Variants in SEC14L6 observed in about 807,000 individuals in gnomAD.
The protein encoded by SEC14L6 is SEC14-like protein 6.
Under a neutral mutation model 54.1 loss-of-function variants are expected in SEC14L6, and 40 were observed. The ratio of observed to expected loss-of-function variants is 0.74; its 90% CI spans 0.57 to 0.96. The LOEUF (loss-of-function observed/expected upper bound fraction) is 0.96, where lower values mean the gene tolerates loss of function less well. Among genes scored for constraint, SEC14L6 ranks in the 40% least tolerant of loss-of-function variants. The pLI is 0.00. For synonymous variants in SEC14L6, 171 were observed against 198.4 expected (o/e 0.86, Z 1.16); for missense variants, 471 against 498.3 (o/e 0.95, Z 0.52).
At position 30,543,516 on chromosome 22, in the gene SEC14L6, C is replaced by T. The variant is rs945333704; in HGVS notation, c.54+3113G>A. ...GCACCTACAACTGGATGAGCTGGCT[C>T]CTGGTGAATGTATCTGCCCACAGGG... On this transcript the variant is annotated intron_variant, in intron 1 of 11. Transcript: ENST00000402034. The T allele has an allele frequency of 6.2e-5, 100 of 1,613,166 alleles. No homozygotes were observed. The East Asian group carries it at 1.6e-3, about 26-fold the overall frequency.
At chr22:30,545,184 C>T (rs999615656) in intron 1 of SEC14L6, among the ~76,000 whole-genome samples, 5 of 152,170 alleles carry the variant, frequency 3.3e-5, no homozygotes, top group African/African-American at 1.2e-4. Flanking sequence ...TCCTCCCAGG[C>T]TAGAGACGAA....
intron 6 of SEC14L6, among the ~76,000 whole-genome samples, chr22:30,531,019 C>CCTG (rs1362309280): frequency 6.6e-6 from 1 of 152,144 alleles, no homozygotes; most frequent in Non-Finnish European, 1.5e-5. Context: ...CCTGTTGTGA[C>CCTG]CTGCTGAACA....
Position 30,525,689 on chromosome 22 carries a change from T to G in SEC14L6, c.833A>C (p.Tyr278Ser). ...GCGGCCCACGGACCTCGTGTGCTCA[T>G]ACTGCAGCCTCACCTGCTTGCACAG... ...YYLCKQVRLQYEHTRSVGRGS... is the reference protein window; with the variant it reads ...YYLCKQVRLQSEHTRSVGRGS... Residue 278 changes from tyrosine (Y) to serine (S), a missense_variant, in exon 10 of 12, where the codon TAT (tyrosine) becomes TCT (serine). By Grantham distance (144) the Tyr-to-Ser change is moderately radical (BLOSUM62 -2). Coordinates refer to ENST00000402034, the MANE Select transcript of SEC14L6 (RefSeq NM_001193336.4). 1.9e-6 allele frequency: 3 copies of G among 1,613,646 alleles called. No individual in the cohort carries two copies. Among genetic ancestry groups the G allele is most frequent in the Non-Finnish European group, 2.5e-6 (3 of 1,179,918 alleles).
rs886308725 is a variant in SEC14L6, at chr22:30,524,166, A to G, written c.*831T>C. 1 of 152,076 alleles carries G rather than the reference A, an allele frequency of 6.6e-6. No individual in the cohort carries two copies. Among genetic ancestry groups the G allele is most frequent in the Non-Finnish European group, 1.5e-5 (1 of 68,022 alleles). 9.4% of individuals were successfully genotyped at this position (152,076 alleles called of 1,614,324 possible). A position where few individuals can be genotyped will look rare whatever the true frequency, so the allele number is the denominator to read the frequency against. On this transcript the variant is annotated 3_prime_UTR_variant, in exon 12 of 12. Coordinates refer to ENST00000402034, the MANE Select transcript of SEC14L6 (RefSeq NM_001193336.4). ...GCCTCACCAGTTCCTTCCTGCAGAAACCATCATAAAAGTAAAGTTGCTTTG... is the reference window on the plus strand; with the variant it reads ...GCCTCACCAGTTCCTTCCTGCAGAAGCCATCATAAAAGTAAAGTTGCTTTG...
At position 30,525,819 on chromosome 22, in the gene SEC14L6, C is replaced by G; in HGVS notation, c.771+7G>C. ...CCCTCCTTCCCCATCCTCTGGGCAC[C>G]CTGTACCTTGGTCAGGCACTTGGGG... On this transcript the variant is annotated splice_region_variant and intron_variant, in intron 9 of 11. Transcript: ENST00000402034. 1 of 1,613,652 alleles carries G rather than the reference C, an allele frequency of 6.2e-7. No homozygotes were observed. The highest frequency in any genetic ancestry group is 1.1e-5 in the South Asian group (1 of 91,000).
chr22:30,525,737 C>T lies in SEC14L6; in HGVS notation c.785G>A (p.Gly262Asp), dbSNP rs773725890. 1 of 1,613,966 alleles carries T rather than the reference C, an allele frequency of 6.2e-7. No individual in the cohort carries two copies. The highest frequency in any genetic ancestry group is 1.3e-5 in the African/African-American group (1 of 75,034). ...PKCLTKINYG[G>D]EVPKSYYLCK... ...CAGGTAGTAGCTCTTGGGCACCTCA[C>T]CCCCGTAGTTGATCTGTGGGTGAAG... The change falls in exon 10 of 12, where the codon GGT becomes GAT. Residue 262 changes from glycine (G) to aspartate (D), a missense_variant. Gly to Asp is a moderately conservative substitution (Grantham distance 94, BLOSUM62 -1). Transcript: ENST00000402034.
intron 2 of SEC14L6, among the ~76,000 whole-genome samples, chr22:30,538,511 C>G (rs921908999): frequency 5.9e-5 from 9 of 152,082 alleles, no homozygotes; most frequent in Non-Finnish European, 1.3e-4. Flanking sequence ...AGAACTGAAG[C>G]CTCCTGCCAA....
chr22:30,540,885 G>C (rs549199204), intron 1 of SEC14L6, among the ~76,000 whole-genome samples: 35 of 151,818 alleles, frequency 2.3e-4, no homozygotes, highest in Non-Finnish European at 4.1e-4. Context: ...TGGGCGTGGT[G>C]GCAGGCGCCT....
chr22:30,532,722 A>C lies in SEC14L6; in HGVS notation c.235-9T>G, dbSNP rs774423789. 1.9e-6 allele frequency: 3 copies of C among 1,580,134 alleles called. No homozygotes were observed. Among genetic ancestry groups the C allele is most frequent in the Non-Finnish European group, 2.6e-6 (3 of 1,162,800 alleles). ...TTGTACAGCCTGACCACCTGGATGC[A>C]TACACAGGAGACGGGGGTTCAGTGC... is the stretch of plus-strand genomic sequence containing the variant. On this transcript the variant is annotated splice_polypyrimidine_tract_variant and intron_variant, in intron 4 of 11. Transcript: ENST00000402034.
Position 30,543,708 on chromosome 22 carries a change from C to T in SEC14L6, c.54+2921G>A, listed in dbSNP as rs915244518. 36 of 1,607,540 alleles carry T rather than the reference C, an allele frequency of 2.2e-5. No homozygotes were observed. The South Asian group carries it at 3.8e-4, about 17-fold the overall frequency. On this transcript the variant is annotated intron_variant, in intron 1 of 11. Transcript: ENST00000402034. ...TCTATATTGTGGTGGGCGTGGTGTGCACCTTGCTGGTGGCCCTACTGATGG... is the reference window on the plus strand; with the variant it reads ...TCTATATTGTGGTGGGCGTGGTGTGTACCTTGCTGGTGGCCCTACTGATGG...
At chr22:30,543,354 C>T (rs2146304541) in intron 1 of SEC14L6, 2 of 1,573,962 alleles carry the variant, frequency 1.3e-6, no homozygotes, top group Middle Eastern at 1.7e-4. Flanking sequence ...CTCAACAGCC[C>T]ATGAGGGCAG....
chr22:30,537,630 T>A (rs541398251), intron 2 of SEC14L6, among the ~76,000 whole-genome samples: 39 of 152,256 alleles, frequency 2.6e-4, no homozygotes, highest in African/African-American at 7.9e-4. Flanking sequence ...CAAGCCTAAT[T>A]TCCCTAACAG....
intron 6 of SEC14L6, among the ~76,000 whole-genome samples, chr22:30,530,629 C>T (rs1037458078): frequency 1.1e-4 from 16 of 152,108 alleles, no homozygotes; most frequent in African/African-American, 2.9e-4. Context: ...CTTAAATTCC[C>T]GAGCTCAAGC....
Position 30,544,006 on chromosome 22 carries a change from C to T in SEC14L6, c.54+2623G>A, listed in dbSNP as rs1019147729. On this transcript the variant is annotated intron_variant, in intron 1 of 11. Transcript: ENST00000402034. ...TGACCTGGACATGGTGCACCTCAAC[C>T]GGACCCCCAAGCAGCTGGCCCCCAA... 1.6e-5 allele frequency: 26 copies of T among 1,596,066 alleles called. No homozygotes were observed. The Middle Eastern group carries it at 8.3e-4, about 51-fold the overall frequency.
intron 2 of SEC14L6, among the ~76,000 whole-genome samples, chr22:30,535,381 G>A (rs1937111574): frequency 6.6e-6 from 1 of 152,188 alleles, no homozygotes; most frequent in African/African-American, 2.4e-5. Flanking sequence ...AGAACCAAGT[G>A]GTTTCACTTG....
At chr22:30,533,007 G>A (rs1048021840) in intron 3 of SEC14L6, 151 bp from the exon 4 acceptor site, 20 of 985,266 alleles carry the variant, frequency 2.0e-5, no homozygotes, top group Non-Finnish European at 2.4e-5. Flanking sequence ...ACTGGGGGAT[G>A]GAAACAGGAT....
chr22:30,523,383 C>T lies in SEC14L6; in HGVS notation c.*1614G>A, dbSNP rs894667996. The T allele has an allele frequency of 1.3e-5, 2 of 152,192 alleles. No homozygotes were observed. Among genetic ancestry groups the T allele is most frequent in the Non-Finnish European group, 2.9e-5 (2 of 68,198 alleles). The allele number at this position is 152,192 out of a possible 1,614,324, so 9.4% of individuals were successfully genotyped here. On this transcript the variant is annotated 3_prime_UTR_variant, in exon 12 of 12. Transcript: ENST00000402034. Reference sequence around the variant, plus strand: ...GAATTTTTTTTTTTTAAGACAGGGTCTTGCTCTGTTTCCCAGGCTGGAGTG... The same window carrying T: ...GAATTTTTTTTTTTTAAGACAGGGTTTTGCTCTGTTTCCCAGGCTGGAGTG...
At chr22:30,542,255 G>T (rs575914510) in intron 1 of SEC14L6, among the ~76,000 whole-genome samples, 6 of 152,264 alleles carry the variant, frequency 3.9e-5, no homozygotes, top group African/African-American at 1.2e-4. Context: ...TTCAGCTTTG[G>T]GGCTCAGAGG....
rs1286563094 is a variant in SEC14L6 at position 30,543,146 on chromosome 22, A to G, written c.54+3483T>C. 3.1e-6 allele frequency: 5 copies of G among 1,603,762 alleles called. No individual in the cohort carries two copies. The African/African-American group carries it at 6.7e-5, about 21-fold the overall frequency. On this transcript the variant is annotated intron_variant, in intron 1 of 11. Transcript: ENST00000402034. The stretch of plus-strand genomic sequence containing the variant: ...TTCAAAAATGGGAATCAGCTCTCAG[A>G]CTTCCAGACCAACGTGGACCCCGCA...
Sources: gnomAD v4.1 joint callset for allele counts (sites outside exome capture counted in the v4.1 genomes callset) on GRCh38, gnomAD v4.1.1 for gene constraint, MANE v1.5 for transcripts, NCBI Gene and HGNC (gene_info 2026-07-23, HGNC 2026-07-21) for gene names.